The following TMSB15B variants were observed in gnomAD, a reference collection of about 807,000 sequenced individuals.
TMSB15B encodes the protein thymosin beta 15B.
chrX:103,923,115 A>G (rs1268160855), intron 1 of TMSB15B, among the ~76,000 whole-genome samples: 1 of 111,728 alleles, frequency 9.0e-6, no homozygotes, highest in Non-Finnish European at 1.9e-5. Context: ...CCTTTGTCAG[A>G]TGGGTAGATT....
intron 1 of TMSB15B, among the ~76,000 whole-genome samples, chrX:103,938,090 G>A (rs1465610952): frequency 9.0e-6 from 1 of 111,661 alleles, no homozygotes; most frequent in Admixed American, 9.5e-5. Context: ...TTCCAATTAT[G>A]TGGTCAATTT....
chrX:103,939,919 A>G (rs2075008198), intron 1 of TMSB15B, among the ~76,000 whole-genome samples: 1 of 111,719 alleles, frequency 9.0e-6, no homozygotes, highest in African/African-American at 3.3e-5. Context: ...CCACTCTTCT[A>G]CAGGTCTGCT....
intron 1 of TMSB15B, among the ~76,000 whole-genome samples, chrX:103,926,869 C>G (rs1459328519): frequency 9.2e-6 from 1 of 108,925 alleles, no homozygotes; most frequent in African/African-American, 3.4e-5. Context: ...GCCTGGCCAT[C>G]ATGTCCCTCC....
intron 1 of TMSB15B, among the ~76,000 whole-genome samples, chrX:103,930,245 G>T (rs1556319687): frequency 9.0e-6 from 1 of 111,452 alleles, no homozygotes; most frequent in Non-Finnish European, 1.9e-5. Context: ...CTTTCCACCT[G>T]CAGTGCTCCT....
At chrX:103,933,533 C>T (rs782664537) in intron 1 of TMSB15B, among the ~76,000 whole-genome samples, 2 of 111,723 alleles carry the variant, frequency 1.8e-5, no homozygotes, top group African/African-American at 6.5e-5. Context: ...TAGGGTTAGC[C>T]CCCATGCTGA....
chrX:103,923,684 G>A (rs1361581818), intron 1 of TMSB15B, among the ~76,000 whole-genome samples: 2 of 111,475 alleles, frequency 1.8e-5, no homozygotes, highest in Non-Finnish European at 3.8e-5. Context: ...TTGGCAATGC[G>A]GGCTCTTTTT....
chrX:103,920,167 G>T (rs1470161539), intron 1 of TMSB15B, among the ~76,000 whole-genome samples: 2 of 112,132 alleles, frequency 1.8e-5, no homozygotes, highest in Admixed American at 9.4e-5. Context: ...GGGAGGCAAG[G>T]CTCAGAGAGG....
rs2074974419 is a variant in TMSB15B, at chrX:103,928,192, C to T, written c.-721+8900C>T. On this transcript the variant is annotated intron_variant, in intron 1 of 3. Transcript: ENST00000419165. ...AAAGCTGGCACTCCCAGGCCTATGC[C>T]CTTGGGGCTGTTTCCAACTCTATGT... 5.9e-6 allele frequency: 7 copies of T among 1,182,808 alleles called. No individual in the cohort carries two copies. In the South Asian group the frequency reaches 8.9e-5, roughly 15 times the overall value.
intron 1 of TMSB15B, among the ~76,000 whole-genome samples, chrX:103,935,664 T>G (rs1168347490): frequency 9.0e-6 from 1 of 110,813 alleles, no homozygotes; most frequent in Non-Finnish European, 1.9e-5. Flanking sequence ...GTGGTGTTAT[T>G]TCTGAGGCCT....
At chrX:103,935,058 T>C (rs1206625420) in intron 1 of TMSB15B, among the ~76,000 whole-genome samples, 2 of 112,559 alleles carry the variant, frequency 1.8e-5, no homozygotes, top group Admixed American at 9.4e-5. Context: ...TGGTGTCTCA[T>C]TGTGGTTTTG....
chrX:103,937,870 C>G (rs2075002541), intron 1 of TMSB15B, among the ~76,000 whole-genome samples: 1 of 111,739 alleles, frequency 8.9e-6, no homozygotes, highest in African/African-American at 3.3e-5. Context: ...TACGTTTTGT[C>G]TTTGTTCTCA....
At chrX:103,929,641 T>C (rs1364351062) in intron 1 of TMSB15B, among the ~76,000 whole-genome samples, 20 of 111,346 alleles carry the variant, frequency 1.8e-4, no homozygotes, top group Non-Finnish European at 2.4e-4. Context: ...TGGGAAGAAG[T>C]GTGACCCATG....
intron 1 of TMSB15B, among the ~76,000 whole-genome samples, chrX:103,930,301 C>A (rs1261668782): frequency 9.0e-6 from 1 of 111,241 alleles, no homozygotes; most frequent in Admixed American, 9.6e-5. Context: ...CCTCGAAGCC[C>A]AGCTCAGAGG....
chrX:103,953,458 A>G (rs2075043814), intron 1 of TMSB15B, among the ~76,000 whole-genome samples: 1 of 112,455 alleles, frequency 8.9e-6, no homozygotes, highest in African/African-American at 3.2e-5. Context: ...CCACTTCCAC[A>G]ACACCTCACA....
chrX:103,953,613 G>A (rs781801001), intron 1 of TMSB15B, among the ~76,000 whole-genome samples: 6 of 112,766 alleles, frequency 5.3e-5, no homozygotes, highest in Non-Finnish European at 1.1e-4. Context: ...GATTTGGAAA[G>A]TCCAAACCAA....
intron 1 of TMSB15B, among the ~76,000 whole-genome samples, chrX:103,955,509 T>G (rs1369082767): frequency 9.1e-6 from 1 of 109,767 alleles, no homozygotes; most frequent in African/African-American, 3.3e-5. Flanking sequence ...CAAGTATTAA[T>G]TGCAGAATAG....
intron 1 of TMSB15B, among the ~76,000 whole-genome samples, chrX:103,920,858 G>T (rs2074950335): frequency 8.9e-6 from 1 of 112,442 alleles, no homozygotes; most frequent in South Asian, 3.7e-4. Flanking sequence ...CAACTCCATG[G>T]AAACAGCATG....
chrX:103,939,602 T>C (rs1465707952), intron 1 of TMSB15B, among the ~76,000 whole-genome samples: 9 of 110,962 alleles, frequency 8.1e-5, no homozygotes, highest in African/African-American at 2.6e-4. Context: ...GGTTAGAACA[T>C]GCTCCTTTAG....
At chrX:103,930,725 G>GATGATA (rs141575289) in intron 1 of TMSB15B, among the ~76,000 whole-genome samples, 7,357 of 92,921 alleles carry the variant, frequency 0.079, 327 homozygotes, top group Middle Eastern at 0.14. Flanking sequence ...TGATGCTGTT[G>GATGATA]ATAATAATAA....
Sources: gnomAD v4.1 joint callset for allele counts (sites outside exome capture counted in the v4.1 genomes callset) on GRCh38, gnomAD v4.1.1 for gene constraint, MANE v1.5 for transcripts, NCBI Gene and HGNC (gene_info 2026-07-23, HGNC 2026-07-21) for gene names.